Variants in SGCZ observed in about 807,000 individuals in gnomAD.
SGCZ encodes zeta-sarcoglycan.
A neutral mutation model predicts 41.3 loss-of-function variants in SGCZ; 40 were observed. The observed-to-expected ratio is 0.97, with a 90% CI of 0.75 to 1.26. SGCZ has a LOEUF of 1.26. SGCZ is among the 50% of genes most tolerant of loss of function. The pLI is 0.00. For synonymous variants in SGCZ, 206 were observed against 137.5 expected (o/e 1.50, Z -3.49); for missense variants, 552 against 369.8 (o/e 1.49, Z -4.04).
intron 1 of SGCZ, among the ~76,000 whole-genome samples, chr8:15,215,673 G>A (rs1006982665): frequency 6.6e-6 from 1 of 152,128 alleles, no homozygotes; most frequent in African/African-American, 2.4e-5. Context: ...TCATTGCCAA[G>A]ACAAGCTGAA....
At chr8:14,636,642 T>G (rs1227944775) in intron 1 of SGCZ, among the ~76,000 whole-genome samples, 1 of 151,850 alleles carries the variant, frequency 6.6e-6, no homozygotes, top group African/African-American at 2.4e-5. Context: ...CAAGCAGGAA[T>G]GTCTACTTGA....
chr8:14,756,185 AT>A (rs34700961), intron 1 of SGCZ, among the ~76,000 whole-genome samples: 1,739 of 136,112 alleles, frequency 0.013, 19 homozygotes, highest in African/African-American at 0.025. Context: ...GTAGAAGTAA[AT>A]TTTTTTTTTT....
intron 2 of SGCZ, among the ~76,000 whole-genome samples, chr8:14,420,371 T>A (rs1488873675): frequency 2.0e-5 from 3 of 152,074 alleles, no homozygotes; most frequent in Non-Finnish European, 4.4e-5. Context: ...CCATTGCTAT[T>A]TGCAACAAAG....
chr8:14,282,683 C>G (rs550403183), intron 3 of SGCZ, among the ~76,000 whole-genome samples: 54 of 152,156 alleles, frequency 3.5e-4, no homozygotes, highest in African/African-American at 1.2e-3. Context: ...TTGCCTGATC[C>G]TTCCATTTCA....
chr8:14,769,188 AAAT>A (rs1341366177), intron 1 of SGCZ, among the ~76,000 whole-genome samples: 35 of 152,180 alleles, frequency 2.3e-4, no homozygotes, highest in Admixed American at 1.3e-4. Context: ...GGAGAAAGAC[AAAT>A]AATGATGGTA....
At chr8:14,129,417 A>G (rs2117053975) in intron 5 of SGCZ, among the ~76,000 whole-genome samples, 1 of 151,632 alleles carries the variant, frequency 6.6e-6, no homozygotes, top group East Asian at 1.9e-4. Context: ...AAATTTGAAA[A>G]ATAAGGAAGA....
intron 2 of SGCZ, among the ~76,000 whole-genome samples, chr8:14,443,711 G>C (rs1467860100): frequency 2.0e-5 from 3 of 152,122 alleles, no homozygotes; most frequent in Non-Finnish European, 4.4e-5. Flanking sequence ...AAAAATCCTA[G>C]AAGAAAACCT....
intron 2 of SGCZ, among the ~76,000 whole-genome samples, chr8:14,519,919 C>T (rs375387943): frequency 6.6e-6 from 1 of 152,172 alleles, no homozygotes; most frequent in African/African-American, 2.4e-5. Context: ...TGTCGTATCT[C>T]AATTTACCAA....
At chr8:14,401,459 C>T (rs1283878205) in intron 2 of SGCZ, among the ~76,000 whole-genome samples, 1 of 124,582 alleles carries the variant, frequency 8.0e-6, no homozygotes, top group East Asian at 2.8e-4. Context: ...CACAACAGTC[C>T]TCAGAGTGTG....
At chr8:14,792,844 G>C (rs751724331) in intron 1 of SGCZ, among the ~76,000 whole-genome samples, 17 of 151,988 alleles carry the variant, frequency 1.1e-4, no homozygotes, top group Non-Finnish European at 2.1e-4. Flanking sequence ...GGAGTGTATA[G>C]GGCCTTGCTC....
chr8:14,665,264 A>G (rs1000346665), intron 1 of SGCZ, among the ~76,000 whole-genome samples: 4 of 151,692 alleles, frequency 2.6e-5, no homozygotes, highest in Non-Finnish European at 4.4e-5. Flanking sequence ...AATGTGGTGT[A>G]TGGTTTTTTG....
intron 1 of SGCZ, among the ~76,000 whole-genome samples, chr8:14,973,044 G>A (rs1320644939): frequency 6.6e-6 from 1 of 152,062 alleles, no homozygotes; most frequent in Admixed American, 6.5e-5. Flanking sequence ...CTAATTTACT[G>A]TGTGCTGGAT....
intron 4 of SGCZ, among the ~76,000 whole-genome samples, chr8:14,180,467 A>C (rs1333280760): frequency 1.3e-5 from 2 of 152,122 alleles, no homozygotes; most frequent in African/African-American, 4.8e-5. Flanking sequence ...TGGGTCTAGA[A>C]AGAACGTATC....
chr8:14,841,111 C>CAA (rs138084107), intron 1 of SGCZ, among the ~76,000 whole-genome samples: 5 of 147,078 alleles, frequency 3.4e-5, no homozygotes, highest in East Asian at 2.0e-4. Context: ...TTGAGAAGAA[C>CAA]AAAAAAAAAA....
rs115410359 is a variant in SGCZ at position 14,843,468 on chromosome 8, G to C, written c.40-288542C>G. Among the ~76,000 whole-genome samples the C allele has an allele frequency of 7.9e-3, 1,200 of 152,174 alleles. 14 individuals are homozygous for C. The highest frequency in any genetic ancestry group is 0.027 in the African/African-American group (1,124 of 41,516). On this transcript the variant is annotated intron_variant, in intron 1 of 7. Coordinates refer to ENST00000382080, the MANE Select transcript of SGCZ (RefSeq NM_139167.4). ...TACCTTGTAGAATGTCTGGAATCTT[G>C]TTAAGTGCTTACTACATGCCTGTTC...
At chr8:14,641,562 G>A (rs1039006137) in intron 1 of SGCZ, among the ~76,000 whole-genome samples, 1 of 151,404 alleles carries the variant, frequency 6.6e-6, no homozygotes, top group African/African-American at 2.4e-5. Context: ...TTTGTTCAGA[G>A]GCACAGAGAA....
At chr8:14,423,249 A>T (rs971699774) in intron 2 of SGCZ, among the ~76,000 whole-genome samples, 1 of 152,024 alleles carries the variant, frequency 6.6e-6, no homozygotes, top group African/African-American at 2.4e-5. Context: ...CCAGCATGGC[A>T]CATGTATACA....
At chr8:14,305,389 C>T (rs1031686478) in intron 3 of SGCZ, among the ~76,000 whole-genome samples, 2 of 151,978 alleles carry the variant, frequency 1.3e-5, no homozygotes, top group African/African-American at 4.8e-5. Flanking sequence ...CATCAATGTC[C>T]CTAAACCAAG....
At chr8:14,997,392 A>G (rs1802255666) in intron 1 of SGCZ, among the ~76,000 whole-genome samples, 1 of 152,228 alleles carries the variant, frequency 6.6e-6, no homozygotes, top group African/African-American at 2.4e-5. Context: ...TCAAGATCAT[A>G]TTAATGCAGT....
Sources: allele counts gnomAD v4.1 joint callset (sites outside exome capture counted in the v4.1 genomes callset), GRCh38; gene constraint gnomAD v4.1.1; transcripts MANE v1.5; gene names NCBI Gene and HGNC (gene_info 2026-07-23, HGNC 2026-07-21).